Variants in LZTFL1 observed in about 807,000 individuals in gnomAD.
LZTFL1 encodes leucine zipper transcription factor-like protein 1.
In LZTFL1, 25 loss-of-function variants were observed where a neutral mutation model predicts 45.9. That is an observed-to-expected ratio of 0.54 (90% CI 0.40 to 0.76). LZTFL1 has a LOEUF of 0.76. Ranked by LOEUF, LZTFL1 falls within the 30% of genes least tolerant of loss-of-function variation. The pLI is 0.00. For synonymous variants in LZTFL1, 93 were observed against 117.4 expected (o/e 0.79, Z 1.35); for missense variants, 277 against 331.1 (o/e 0.84, Z 1.27).
At chr3:45,842,490 T>TC (rs1263948848), upstream of LZTFL1, among the ~76,000 whole-genome samples, 1 of 152,050 alleles carries the variant, frequency 6.6e-6, no homozygotes, top group Admixed American at 6.5e-5. Flanking sequence ...TTTTTTTTTT[T>TC]CAGGAGTTCC....
intron 2 of LZTFL1, among the ~76,000 whole-genome samples, chr3:45,867,446 G>T (rs746409579): frequency 6.6e-6 from 1 of 152,082 alleles, no homozygotes; most frequent in African/African-American, 2.4e-5. Flanking sequence ...GCACCTGCTA[G>T]TCTGAACACA....
intron 5 of LZTFL1, chr3:45,832,815 CA>C (rs1377646663): frequency 1.3e-5 from 5 of 384,456 alleles, no homozygotes; most frequent in Non-Finnish European, 2.4e-5. Flanking sequence ...AAACGCTGTC[CA>C]AAATTTCATG....
At chr3:45,827,754 A>C (rs1700705874) in intron 8 of LZTFL1, among the ~76,000 whole-genome samples, 1 of 152,228 alleles carries the variant, frequency 6.6e-6, no homozygotes, top group Admixed American at 6.5e-5. Context: ...ATTTTCCTGT[A>C]AAATAAGCAC....
intron 1 of LZTFL1, among the ~76,000 whole-genome samples, chr3:45,838,440 G>A (rs1701019776): frequency 2.0e-5 from 3 of 152,340 alleles, no homozygotes. Context: ...ACCTCATGGA[G>A]AGGCACTGAC....
chr3:45,863,638 T>G (rs1161958997), intron 2 of LZTFL1, among the ~76,000 whole-genome samples: 1 of 152,144 alleles, frequency 6.6e-6, no homozygotes, highest in Non-Finnish European at 1.5e-5. Flanking sequence ...ATGTTTAACT[T>G]GGGTCTAATC....
At position 45,826,340 on chromosome 3, in the gene LZTFL1, T is replaced by C. The variant is rs367886230; in HGVS notation, c.882-8A>G. On this transcript the variant is annotated splice_region_variant and splice_polypyrimidine_tract_variant and intron_variant, in intron 9 of 9. Transcript: ENST00000296135. ...TAATCTTCAGGTTCATATCTGGAGA[T>C]ATAAATTAAGAACACAATGTCAGGA... 4.3e-6 allele frequency: 7 copies of C among 1,610,288 alleles called. No homozygotes were observed. In the African/African-American group the frequency reaches 8.0e-5, roughly 18 times the overall value.
intron 1 of LZTFL1, among the ~76,000 whole-genome samples, chr3:45,839,164 C>G (rs1701041064): frequency 6.6e-6 from 1 of 152,182 alleles, no homozygotes; most frequent in Admixed American, 6.5e-5. Context: ...TCTCGGCTCA[C>G]TGCAAGTTCC....
chr3:45,848,164 C>A (rs150719194), intron 4 of LZTFL1, among the ~76,000 whole-genome samples: 47 of 152,304 alleles, frequency 3.1e-4, no homozygotes, highest in Admixed American at 2.8e-3. Context: ...ATCCTATACC[C>A]ACATAAAAGC....
At chr3:45,908,635 G>A (rs1451637676) in intron 2 of LZTFL1, among the ~76,000 whole-genome samples, 1 of 152,208 alleles carries the variant, frequency 6.6e-6, no homozygotes. Context: ...GGAAGCAGGG[G>A]AGAAAGGGGA....
At chr3:45,876,514 G>C (rs1400996976) in intron 2 of LZTFL1, among the ~76,000 whole-genome samples, 4 of 152,248 alleles carry the variant, frequency 2.6e-5, no homozygotes, top group African/African-American at 9.6e-5. Context: ...AGCAAGTGTA[G>C]AGCTGGATAG....
intron 2 of LZTFL1, among the ~76,000 whole-genome samples, chr3:45,875,430 T>C (rs1701734383): frequency 6.6e-6 from 1 of 152,244 alleles, no homozygotes; most frequent in Admixed American, 6.5e-5. Flanking sequence ...TAGTTCTGGA[T>C]TCAAATCCTG....
intron 8 of LZTFL1, among the ~76,000 whole-genome samples, chr3:45,827,912 AG>A (rs943624293): frequency 4.5e-4 from 69 of 152,184 alleles, no homozygotes; most frequent in African/African-American, 1.6e-3. Flanking sequence ...TATGTTGGCC[AG>A]GCTGGTCTTG....
At chr3:45,860,115 G>C (rs535730241) in intron 2 of LZTFL1, among the ~76,000 whole-genome samples, 1 of 152,250 alleles carries the variant, frequency 6.6e-6, no homozygotes, top group African/African-American at 2.4e-5. Flanking sequence ...GGGAGGCTGA[G>C]GTGGGAGGAT....
chr3:45,837,749 A>C (rs1363753619), intron 2 of LZTFL1, among the ~76,000 whole-genome samples, 178 bp downstream of exon 2: 1 of 152,202 alleles, frequency 6.6e-6, no homozygotes, highest in East Asian at 1.9e-4. Flanking sequence ...CATTGCTTTC[A>C]CCACAATACA....
At chr3:45,842,734 T>C (rs1701152089), upstream of LZTFL1, among the ~76,000 whole-genome samples, 2 of 152,222 alleles carry the variant, frequency 1.3e-5, no homozygotes, top group Admixed American at 6.5e-5. Flanking sequence ...TCCATATGCC[T>C]GGAACTACTA....
chr3:45,866,871 G>C (rs1701585191), intron 2 of LZTFL1, among the ~76,000 whole-genome samples: 1 of 152,206 alleles, frequency 6.6e-6, no homozygotes, highest in African/African-American at 2.4e-5. Context: ...GTTGCGGCCA[G>C]GTGAAGTGGC....
chr3:45,906,592 G>C (rs1025148887), intron 2 of LZTFL1, among the ~76,000 whole-genome samples: 4 of 152,200 alleles, frequency 2.6e-5, no homozygotes, highest in African/African-American at 9.7e-5. Flanking sequence ...ACATGCCACA[G>C]CCAAGGCCCT....
In LZTFL1 at chr3:45,837,941, G is replaced by A; in HGVS notation, c.114C>T (p.Asp38=). 6.2e-7 allele frequency: 1 copy of A among 1,612,456 alleles called. No individual in the cohort carries two copies. Among genetic ancestry groups the A allele is most frequent in the Non-Finnish European group, 8.5e-7 (1 of 1,179,456 alleles). ...RLKTVDSCFQ[D]LKESRLVEDT... is the part of the protein sequence containing the mutation. The stretch of plus-strand genomic sequence containing the variant: ...TCCTCTGATACCTGCTCTCCTTGAG[G>A]TCTTGGAAGCAGGAATCTACAGTTT... The change falls in exon 2 of 10, where the codon GAC becomes GAT. Residue 38 remains aspartate, a synonymous_variant. Transcript: ENST00000296135.
chr3:45,876,507 AAGT>A (rs1701751145), intron 2 of LZTFL1, among the ~76,000 whole-genome samples: 1 of 152,164 alleles, frequency 6.6e-6, no homozygotes, highest in Admixed American at 6.5e-5. Flanking sequence ...CCCTGCAAGC[AAGT>A]GTAGAGCTGG....
Sources: gnomAD v4.1 joint callset for allele counts (sites outside exome capture counted in the v4.1 genomes callset) on GRCh38, gnomAD v4.1.1 for gene constraint, MANE v1.5 for transcripts, NCBI Gene and HGNC (gene_info 2026-07-23, HGNC 2026-07-21) for gene names.